Variants in CDH18 observed in about 807,000 individuals in gnomAD.
CDH18 encodes the protein cadherin 18, also known as cadherin-18.
In CDH18, 31 loss-of-function variants were observed where a neutral mutation model predicts 67.9. The observed-to-expected ratio is 0.46, with a 90% CI of 0.34 to 0.62. The LOEUF is 0.62. CDH18 is among the 20% of genes least tolerant of loss of function. The pLI, the probability that CDH18 is intolerant of heterozygous loss-of-function variation, is 0.01. For missense variants in CDH18, 890 were observed against 975.5 expected (o/e 0.91, Z 1.17); for synonymous variants, 362 against 347.2 (o/e 1.04, Z -0.48).
chr5:19,957,100 CT>C (rs1321212799), intron 2 of CDH18, among the ~76,000 whole-genome samples: 1 of 151,730 alleles, frequency 6.6e-6, no homozygotes, highest in Admixed American at 6.6e-5. Context: ...CTGCAAAGTC[CT>C]TTTTGTATGT....
chr5:19,529,912 C>T (rs934264295), intron 9 of CDH18, among the ~76,000 whole-genome samples: 7 of 151,890 alleles, frequency 4.6e-5, no homozygotes, highest in Non-Finnish European at 1.0e-4. Flanking sequence ...ACCAAAAATC[C>T]GATATTGTTG....
chr5:20,548,674 A>G (rs1757473545), intron 1 of CDH18, among the ~76,000 whole-genome samples: 3 of 152,202 alleles, frequency 2.0e-5, no homozygotes, highest in African/African-American at 7.2e-5. Context: ...ATCTCTATTT[A>G]TGACTGAAGA....
intron 1 of CDH18, among the ~76,000 whole-genome samples, chr5:20,363,756 T>C (rs187651139): frequency 1.3e-5 from 2 of 151,830 alleles, no homozygotes; most frequent in African/African-American, 4.8e-5. Context: ...TCCAGAAGCA[T>C]TGGTAAGTAT....
At chr5:20,386,391 T>C (rs962689716) in intron 1 of CDH18, among the ~76,000 whole-genome samples, 1 of 152,200 alleles carries the variant, frequency 6.6e-6, no homozygotes, top group Non-Finnish European at 1.5e-5. Flanking sequence ...CATTCTGTAA[T>C]GGCATCTTTC....
intron 2 of CDH18, among the ~76,000 whole-genome samples, chr5:20,081,624 G>T (rs1744483040): frequency 6.6e-6 from 1 of 152,086 alleles, no homozygotes; most frequent in Non-Finnish European, 1.5e-5. Flanking sequence ...GACACAAAAA[G>T]AATATTATGT....
chr5:19,684,360 A>G (rs981247411), intron 5 of CDH18, among the ~76,000 whole-genome samples: 1 of 151,592 alleles, frequency 6.6e-6, no homozygotes, highest in Admixed American at 6.6e-5. Flanking sequence ...TTAATATTTA[A>G]TATTAGGAAT....
chr5:20,173,737 G>T (rs1737021271), intron 2 of CDH18, among the ~76,000 whole-genome samples: 1 of 152,052 alleles, frequency 6.6e-6, no homozygotes, highest in African/African-American at 2.4e-5. Flanking sequence ...ATTATTTCTG[G>T]ATTTCTAAGC....
intron 8 of CDH18, among the ~76,000 whole-genome samples, chr5:19,553,743 T>A (rs1684832): frequency 1.3e-5 from 2 of 150,400 alleles, no homozygotes; most frequent in African/African-American, 4.9e-5. Flanking sequence ...TGGGCTCAAG[T>A]GATCCTCCCA....
At chr5:20,044,070 A>G (rs1740690413) in intron 2 of CDH18, among the ~76,000 whole-genome samples, 1 of 152,200 alleles carries the variant, frequency 6.6e-6, no homozygotes, top group African/African-American at 2.4e-5. Context: ...GGCACTATTC[A>G]TTAATTAGTA....
At chr5:20,193,979 C>T (rs552833184) in intron 2 of CDH18, among the ~76,000 whole-genome samples, 2 of 152,026 alleles carry the variant, frequency 1.3e-5, no homozygotes, top group South Asian at 4.1e-4. Flanking sequence ...TATGACAAAC[C>T]CACAACCAAT....
At chr5:20,299,529 T>C (rs938284094) in intron 1 of CDH18, among the ~76,000 whole-genome samples, 8 of 151,630 alleles carry the variant, frequency 5.3e-5, no homozygotes, top group Non-Finnish European at 1.5e-5. Flanking sequence ...GGGAGCCCGA[T>C]GCAGGCAGAT....
At chr5:19,832,397 T>C (rs1340644521) in intron 3 of CDH18, among the ~76,000 whole-genome samples, 1 of 152,144 alleles carries the variant, frequency 6.6e-6, no homozygotes, top group Non-Finnish European at 1.5e-5. Context: ...ATTCTTTTAA[T>C]ACCAGAACTG....
intron 1 of CDH18, among the ~76,000 whole-genome samples, chr5:20,572,191 A>G (rs1005218995): frequency 2.0e-5 from 3 of 151,140 alleles, no homozygotes; most frequent in Non-Finnish European, 4.4e-5. Context: ...ACATTCTTTT[A>G]TCTTCAATTC....
At chr5:19,869,626 T>C (rs1785999235) in intron 2 of CDH18, among the ~76,000 whole-genome samples, 1 of 152,160 alleles carries the variant, frequency 6.6e-6, no homozygotes, top group South Asian at 2.1e-4. Flanking sequence ...GACTTCTTGT[T>C]CTTGGAAGAA....
intron 2 of CDH18, among the ~76,000 whole-genome samples, chr5:19,912,815 A>G (rs7706321): frequency 0.51 from 77,124 of 151,922 alleles, 19,696 homozygotes; most frequent in African/African-American, 0.58. Flanking sequence ...AATAGGAGAG[A>G]GCAGGGCTTT....
In CDH18 at chr5:20,320,572, A is replaced by C. The variant is rs181798282; in HGVS notation, c.-579-65067T>G. On this transcript the variant is annotated intron_variant, in intron 1 of 14. Coordinates refer to the CDH18 transcript ENST00000507958. ...CTCTCTTTCTAAAATAGCTTCAATG[A>C]GGTAAACAGTCAGTCAGCTTTACAC... Among the ~76,000 whole-genome samples the C allele has an allele frequency of 2.5e-4, 38 of 152,284 alleles. No homozygotes were observed. In the East Asian group the frequency reaches 7.2e-3, roughly 29 times the overall value.
At chr5:19,635,615 T>C (rs1303763529) in intron 5 of CDH18, among the ~76,000 whole-genome samples, 7 of 152,266 alleles carry the variant, frequency 4.6e-5, no homozygotes, top group Non-Finnish European at 8.8e-5. Context: ...CTACACTGTA[T>C]TTTGACCAAA....
intron 1 of CDH18, among the ~76,000 whole-genome samples, chr5:20,320,902 T>C (rs1227018294): frequency 6.6e-6 from 1 of 152,120 alleles, no homozygotes; most frequent in African/African-American, 2.4e-5. Flanking sequence ...TACAGGAGTC[T>C]TTTTGTCCCC....
chr5:19,513,069 T>A (rs1745376004), intron 10 of CDH18, among the ~76,000 whole-genome samples: 1 of 152,010 alleles, frequency 6.6e-6, no homozygotes, highest in Non-Finnish European at 1.5e-5. Flanking sequence ...TTTAATGAAT[T>A]TAATAAATAC....
Sources: allele counts gnomAD v4.1 joint callset (sites outside exome capture counted in the v4.1 genomes callset), GRCh38; gene constraint gnomAD v4.1.1; transcripts MANE v1.5; gene names NCBI Gene and HGNC (gene_info 2026-07-23, HGNC 2026-07-21).